Variants in FAXDC2 observed in about 807,000 individuals in gnomAD.
The protein encoded by FAXDC2 is fatty acid hydroxylase domain-containing protein 2.
A neutral mutation model predicts 40.9 loss-of-function variants in FAXDC2; 41 were observed. The observed-to-expected ratio is 1.00, with a 90% CI of 0.78 to 1.30. The LOEUF (loss-of-function observed/expected upper bound fraction) is 1.30. FAXDC2 is among the 50% of genes most tolerant of loss of function. The pLI is 0.00. For synonymous variants in FAXDC2, 157 were observed against 149.3 expected, an observed-to-expected ratio of 1.05 and a Z score of -0.38; for missense variants, 390 against 408.8, an observed-to-expected ratio of 0.95 and a Z score of 0.40.
chr5:154,832,685 T>C (rs936552776), intron 4 of FAXDC2, among the ~76,000 whole-genome samples: 11 of 152,172 alleles, frequency 7.2e-5, no homozygotes, highest in African/African-American at 2.7e-4. Context: ...ACACTTAAAA[T>C]TGGAAATATT....
At chr5:154,842,118 G>A (rs982635909) in intron 1 of FAXDC2, among the ~76,000 whole-genome samples, 3 of 152,138 alleles carry the variant, frequency 2.0e-5, no homozygotes, top group African/African-American at 7.2e-5. Flanking sequence ...GGAGGTAGTG[G>A]TGTTAGGTAC....
rs1317344746 is a variant in FAXDC2 at position 154,818,509 on chromosome 5, A to AT, written c.*1806dup. On this transcript the variant is annotated 3_prime_UTR_variant, in exon 9 of 9. Transcript: ENST00000326080. Reference sequence around the variant, plus strand: ...CACTGGAATTCATGAAGACCAGTTTATTTTACATGCTTGCTTTCACATTCT... The same window carrying AT: ...CACTGGAATTCATGAAGACCAGTTTATTTTTACATGCTTGCTTTCACATTCT... 2.0e-5 allele frequency: 3 copies of AT among 152,186 alleles called. No individual in the cohort carries two copies. Among genetic ancestry groups the AT allele is most frequent in the Admixed American group, 1.3e-4 (2 of 15,278 alleles). 9.4% of individuals were successfully genotyped at this position (152,186 alleles called of 1,614,324 possible).
At position 154,819,407 on chromosome 5, in the gene FAXDC2, A is replaced by G. The variant is rs2113112349; in HGVS notation, c.*909T>C. The G allele has an allele frequency of 6.6e-6, 1 of 152,274 alleles. No individual in the cohort carries two copies. Among genetic ancestry groups the G allele is most frequent in the South Asian group, 2.1e-4 (1 of 4,822 alleles). The allele number at this position is 152,274 out of a possible 1,614,324, so 9.4% of individuals were successfully genotyped here. On this transcript the variant is annotated 3_prime_UTR_variant, in exon 9 of 9. Transcript: ENST00000326080. The stretch of plus-strand genomic sequence containing the variant: ...AAAGGATTTTGCTCTTTGCTCTGCC[A>G]TGTTTTTCCGGGCTCTTTCTTCGGG...
intron 1 of FAXDC2, among the ~76,000 whole-genome samples, chr5:154,841,961 C>G (rs1192459565): frequency 6.6e-6 from 1 of 152,146 alleles, no homozygotes; most frequent in Non-Finnish European, 1.5e-5. Flanking sequence ...CAGTCTCGAA[C>G]TCCTGATGTC....
chr5:154,829,770 A>C (rs1760142916), intron 5 of FAXDC2, among the ~76,000 whole-genome samples: 1 of 152,196 alleles, frequency 6.6e-6, no homozygotes, highest in Admixed American at 6.5e-5. Context: ...TGAAGATGTG[A>C]GCATTTAGTC....
chr5:154,835,112 C>T lies in FAXDC2; in HGVS notation c.49-178G>A, dbSNP rs181109791. 1.2e-4 allele frequency: 71 copies of T among 588,608 alleles called. No individual in the cohort carries two copies. In the East Asian group the frequency reaches 2.0e-3, roughly 16 times the overall value. The allele number at this position is 588,608 out of a possible 1,614,324, so 36.5% of individuals were successfully genotyped here. ...GTGGGAGCCTCTTCCTTATCAGGAG[C>T]TCTCAGGCTGTACATGGGTGTGTTT... On this transcript the variant is annotated intron_variant, in intron 2 of 8. Coordinates refer to ENST00000326080, the MANE Select transcript of FAXDC2 (RefSeq NM_032385.5).
At chr5:154,820,793 T>C (rs1303407381) in intron 8 of FAXDC2, 2 of 267,104 alleles carry the variant, frequency 7.5e-6, no homozygotes, top group Non-Finnish European at 7.4e-6. Flanking sequence ...CTGGAACACT[T>C]AACTAAAATG....
At chr5:154,835,883 C>CG (rs1760332082) in intron 2 of FAXDC2, among the ~76,000 whole-genome samples, 1 of 47,842 alleles carries the variant, frequency 2.1e-5, no homozygotes, top group East Asian at 4.5e-4. Flanking sequence ...GCCCGGCCGA[C>CG]TTTTTTTTTT....
At position 154,819,915 on chromosome 5, in the gene FAXDC2, G is replaced by A. The variant is rs1480747940; in HGVS notation, c.*401C>T. ...GCCGTCCCACCCTCTGGTCCCAGAA[G>A]GAGCTCTCGCTGGAGCCAGGCAGCC... On this transcript the variant is annotated 3_prime_UTR_variant, in exon 9 of 9. Coordinates refer to ENST00000326080, the MANE Select transcript of FAXDC2 (RefSeq NM_032385.5). 1 of 159,072 alleles carries A rather than the reference G, an allele frequency of 6.3e-6. No individual in the cohort carries two copies. The highest frequency in any genetic ancestry group is 2.4e-5 in the African/African-American group (1 of 41,554). 9.9% of individuals were successfully genotyped at this position (159,072 alleles called of 1,614,324 possible). A position where few individuals can be genotyped will look rare whatever the true frequency, so the allele number is the denominator to read the frequency against.
chr5:154,828,262 T>C (rs538858903), intron 5 of FAXDC2, among the ~76,000 whole-genome samples: 1 of 152,214 alleles, frequency 6.6e-6, no homozygotes, highest in East Asian at 1.9e-4. Context: ...AAGTTTGGGA[T>C]TACAGTAGTG....
intron 5 of FAXDC2, among the ~76,000 whole-genome samples, chr5:154,825,650 C>CAAAAAAAAAAAAAAAA (rs386358555): frequency 0.018 from 539 of 30,114 alleles, 204 homozygotes; most frequent in African/African-American, 0.038. Context: ...GACTCCGTCT[C>CAAAAAAAAAAAAAAAA]AAAAAAAAAA....
chr5:154,831,700 G>A (rs1760196696), intron 4 of FAXDC2, among the ~76,000 whole-genome samples: 1 of 152,088 alleles, frequency 6.6e-6, no homozygotes, highest in Non-Finnish European at 1.5e-5. Context: ...GTGGCGGCTG[G>A]GACTTGGAAA....
chr5:154,827,406 G>GT (rs1171890723), intron 5 of FAXDC2, among the ~76,000 whole-genome samples: 1 of 131,858 alleles, frequency 7.6e-6, no homozygotes, highest in Non-Finnish European at 1.7e-5. Context: ...GTTAAGAGTT[G>GT]TTTTTTCTGT....
Position 154,821,258 on chromosome 5 carries a change from A to C in FAXDC2, c.845+2T>G, listed in dbSNP as rs1192457526. ...GACCCATTGTGGGGAGAAGGTCCTT[A>C]CTTGAGATGGTGGTAGTCGTGGAAT... On this transcript the variant is annotated splice_donor_variant, in intron 8 of 8. Coordinates refer to ENST00000326080, the MANE Select transcript of FAXDC2 (RefSeq NM_032385.5). LOFTEE classifies it high-confidence loss of function. The C allele has an allele frequency of 6.2e-7, 1 of 1,611,060 alleles. No homozygotes were observed. Among genetic ancestry groups the C allele is most frequent in the Non-Finnish European group, 8.5e-7 (1 of 1,178,482 alleles).
At chr5:154,829,949 G>A (rs931148873) in intron 5 of FAXDC2, among the ~76,000 whole-genome samples, 3 of 152,202 alleles carry the variant, frequency 2.0e-5, no homozygotes, top group African/African-American at 7.2e-5. Flanking sequence ...AGCCAGGCCA[G>A]CAGTCCAGTT....
At chr5:154,847,618 G>C (rs980976102) in intron 1 of FAXDC2, among the ~76,000 whole-genome samples, 7 of 150,822 alleles carry the variant, frequency 4.6e-5, no homozygotes, top group African/African-American at 1.5e-4. Context: ...CTCCTAAGTA[G>C]CTGGGATTAC....
In FAXDC2 at chr5:154,824,950, G is replaced by A. The variant is rs555358063; in HGVS notation, c.367-1358C>T. On this transcript the variant is annotated intron_variant, in intron 5 of 8. Coordinates refer to ENST00000326080, the MANE Select transcript of FAXDC2 (RefSeq NM_032385.5). ...TTTTTTTAAAAAGCTGGATGTGGTG[G>A]TGTGCACCTGTAGTCCCAGCTATTC... Among the ~76,000 whole-genome samples, 13 of 151,524 alleles carry A rather than the reference G, an allele frequency of 8.6e-5. No individual in the cohort carries two copies. In the South Asian group the frequency reaches 2.7e-3, roughly 32 times the overall value.
At chr5:154,849,154 C>T (rs535326576) in intron 1 of FAXDC2, among the ~76,000 whole-genome samples, 27 of 151,824 alleles carry the variant, frequency 1.8e-4, no homozygotes, top group Non-Finnish European at 3.7e-4. Context: ...GTGGCGGGCA[C>T]CTGTAATCCC....
rs2113111089 is a variant in FAXDC2 at position 154,819,015 on chromosome 5, C to T, written c.*1301G>A. The T allele has an allele frequency of 6.6e-6, 1 of 152,314 alleles. No individual in the cohort carries two copies. The highest frequency in any genetic ancestry group is 1.5e-5 in the Non-Finnish European group (1 of 68,056). 9.4% of individuals were successfully genotyped at this position (152,314 alleles called of 1,614,324 possible). A position where few individuals can be genotyped will look rare whatever the true frequency, so the allele number is the denominator to read the frequency against. Reference sequence around the variant, plus strand: ...TCAGCTGGCCTACTGGGCAAGTCCTCTGGGGTTCTAGAGCTGATAGGAAGA... The same window carrying T: ...TCAGCTGGCCTACTGGGCAAGTCCTTTGGGGTTCTAGAGCTGATAGGAAGA... On this transcript the variant is annotated 3_prime_UTR_variant, in exon 9 of 9. Coordinates refer to ENST00000326080, the MANE Select transcript of FAXDC2 (RefSeq NM_032385.5).
Sources: allele counts gnomAD v4.1 joint callset (sites outside exome capture counted in the v4.1 genomes callset), GRCh38; gene constraint gnomAD v4.1.1; transcripts MANE v1.5; gene names NCBI Gene and HGNC (gene_info 2026-07-23, HGNC 2026-07-21).